The following EFR3A variants were observed in gnomAD, a reference collection of about 807,000 sequenced individuals.
EFR3A encodes EFR3 homolog A.
A neutral mutation model predicts 104.4 loss-of-function variants in EFR3A; 76 were observed. The ratio of observed to expected loss-of-function variants is 0.73; its 90% CI spans 0.60 to 0.88. EFR3A has a LOEUF of 0.88. Ranked by LOEUF, EFR3A falls within the 40% of genes least tolerant of loss-of-function variation. The pLI is 0.00. For synonymous variants in EFR3A, 330 were observed against 330.0 expected (o/e 1.00, Z 0.00); for missense variants, 985 against 1,012.5 (o/e 0.97, Z 0.37).
At chr8:131,962,274 T>A (rs1033973527) in intron 8 of EFR3A, among the ~76,000 whole-genome samples, 15 of 152,120 alleles carry the variant, frequency 9.9e-5, no homozygotes, top group Non-Finnish European at 1.6e-4. Flanking sequence ...CAAATTGGAT[T>A]AAGAGTCAAG....
intron 18 of EFR3A, among the ~76,000 whole-genome samples, chr8:131,992,328 A>T (rs1458256290): frequency 2.6e-5 from 4 of 152,180 alleles, no homozygotes; most frequent in South Asian, 2.1e-4. Context: ...CACATGCAGG[A>T]TATAAAATAT....
At chr8:131,999,016 C>T (rs1260155511) in intron 19 of EFR3A, among the ~76,000 whole-genome samples, 1 of 151,968 alleles carries the variant, frequency 6.6e-6, no homozygotes, top group Non-Finnish European at 1.5e-5. Context: ...GAATAAAGCA[C>T]TATAGGCATG....
intron 10 of EFR3A, among the ~76,000 whole-genome samples, chr8:131,974,097 AC>A (rs1433378333): frequency 6.6e-5 from 10 of 152,166 alleles, no homozygotes; most frequent in Non-Finnish European, 1.2e-4. Context: ...CGTTGAAATT[AC>A]CTCAGGATCT....
At chr8:131,909,683 A>G (rs1586512605) in intron 1 of EFR3A, among the ~76,000 whole-genome samples, 1 of 152,150 alleles carries the variant, frequency 6.6e-6, no homozygotes, top group Non-Finnish European at 1.5e-5. Flanking sequence ...CAGTCTTTAC[A>G]CTATTGATGT....
At chr8:131,947,318 T>C (rs1220462119) in intron 4 of EFR3A, among the ~76,000 whole-genome samples, 3 of 152,168 alleles carry the variant, frequency 2.0e-5, no homozygotes, top group Admixed American at 1.3e-4. Flanking sequence ...ATATTTTCTT[T>C]GGAGAAATGT....
intron 4 of EFR3A, among the ~76,000 whole-genome samples, chr8:131,948,227 C>A (rs905970174): frequency 1.3e-5 from 2 of 152,052 alleles, no homozygotes; most frequent in Non-Finnish European, 2.9e-5. Flanking sequence ...CAGAGTCTGA[C>A]TACCCCAGTT....
chr8:131,952,268 A>C (rs1818745302), intron 5 of EFR3A, among the ~76,000 whole-genome samples: 1 of 152,118 alleles, frequency 6.6e-6, no homozygotes. Flanking sequence ...AACTCATTTA[A>C]ATTGTTCAAC....
At chr8:131,997,025 T>G (rs1047607621) in intron 19 of EFR3A, among the ~76,000 whole-genome samples, 74 of 152,194 alleles carry the variant, frequency 4.9e-4, no homozygotes, top group African/African-American at 1.7e-3. Context: ...AACTATGTAC[T>G]CTGTAAGGAC....
intron 1 of EFR3A, among the ~76,000 whole-genome samples, chr8:131,934,187 C>T (rs1586560760): frequency 6.6e-6 from 1 of 152,186 alleles, no homozygotes; most frequent in South Asian, 2.1e-4. Flanking sequence ...TTCATGTTTT[C>T]CCACTTTTCT....
At chr8:131,985,207 C>T (rs1466465819) in intron 16 of EFR3A, 147 bp downstream of exon 16, 3 of 774,166 alleles carry the variant, frequency 3.9e-6, no homozygotes, top group Non-Finnish European at 6.1e-6. Context: ...GAAACTACAG[C>T]TAAAACTGTA....
At chr8:131,953,796 TC>T in intron 5 of EFR3A, 21 bp from the exon 6 acceptor site, 1 of 1,494,512 alleles carries the variant, frequency 6.7e-7, no homozygotes, top group Non-Finnish European at 8.9e-7. Context: ...CTCATTTTCT[TC>T]CTTTTTTTTT....
rs985045526 is a variant in EFR3A at position 131,979,150 on chromosome 8, A to T, written c.1499+131A>T. ...TAATCCATAATTTTATTTAATTGGT[A>T]TTGAGATAATTTAATCAATATGTTT... On this transcript the variant is annotated intron_variant, in intron 13 of 22. Coordinates refer to ENST00000254624, the MANE Select transcript of EFR3A (RefSeq NM_015137.6). 9.9e-6 allele frequency: 11 copies of T among 1,110,008 alleles called. No individual in the cohort carries two copies. The African/African-American group carries it at 1.3e-4, about 13-fold the overall frequency. The allele number at this position is 1,110,008 out of a possible 1,614,324, so 68.8% of individuals were successfully genotyped here. A position where few individuals can be genotyped will look rare whatever the true frequency, so the allele number is the denominator to read the frequency against.
chr8:131,936,227 G>GC lies in EFR3A; in HGVS notation c.11-4272_11-4271insC, dbSNP rs1817872881. 5.9e-5 allele frequency among the ~76,000 whole-genome samples: 9 copies of GC among 152,208 alleles called. No homozygotes were observed. The South Asian group carries it at 1.9e-3, about 32-fold the overall frequency. On this transcript the variant is annotated intron_variant, in intron 1 of 22. Transcript: ENST00000254624. ...ATTGCTGAATCTATATGAGAATGAT[G>GC]TTAGGGGAGCAAAGGAGAAGAATTT... is the stretch of plus-strand genomic sequence containing the variant.
chr8:131,985,186 G>T, intron 16 of EFR3A, 126 bp downstream of exon 16: 1 of 963,856 alleles, frequency 1.0e-6, no homozygotes. Flanking sequence ...AAAATCTACA[G>T]CCAGTAAACT....
intron 17 of EFR3A, among the ~76,000 whole-genome samples, chr8:131,987,153 C>T (rs1258533233): frequency 6.6e-6 from 1 of 152,018 alleles, no homozygotes; most frequent in Non-Finnish European, 1.5e-5. Context: ...TGTGGGTGGG[C>T]AAGTACTTCC....
chr8:131,998,621 A>T (rs1017196416), intron 19 of EFR3A, among the ~76,000 whole-genome samples: 1 of 152,044 alleles, frequency 6.6e-6, no homozygotes, highest in South Asian at 2.1e-4. Context: ...AAAAGTTGCC[A>T]TATATAAAAA....
At chr8:131,970,873 T>A (rs1820016540) in intron 10 of EFR3A, among the ~76,000 whole-genome samples, 1 of 152,196 alleles carries the variant, frequency 6.6e-6, no homozygotes, top group South Asian at 2.1e-4. Context: ...TTATGGCATT[T>A]ACTTCTTCAT....
At position 131,978,879 on chromosome 8, in the gene EFR3A, TACTGC is replaced by T; in HGVS notation, c.1365_1369del (p.Leu456ArgfsTer28). ...CTGGATATAAAGCGAAGACGATTGT[TACTGC>T]ACTGCCAGGGTCTTTCCTGGATCCT... On this transcript the variant is annotated frameshift_variant, in exon 13 of 23. Transcript: ENST00000254624. LOFTEE classifies it high-confidence loss of function. 6.2e-7 allele frequency: 1 copy of T among 1,609,782 alleles called. No homozygotes were observed. The highest frequency in any genetic ancestry group is 8.5e-7 in the Non-Finnish European group (1 of 1,178,046).
intron 7 of EFR3A, among the ~76,000 whole-genome samples, chr8:131,956,448 C>G (rs1258182434): frequency 6.6e-6 from 1 of 152,190 alleles, no homozygotes. Flanking sequence ...AGTTTCTCCA[C>G]ATAGATATGG....
Sources: gnomAD v4.1 joint callset for allele counts (sites outside exome capture counted in the v4.1 genomes callset) on GRCh38, gnomAD v4.1.1 for gene constraint, MANE v1.5 for transcripts, NCBI Gene and HGNC (gene_info 2026-07-23, HGNC 2026-07-21) for gene names.